VIRMA: variants seen among roughly 807,000 people sequenced by gnomAD.
VIRMA encodes the protein protein virilizer homolog.
A neutral mutation model predicts 182.4 loss-of-function variants in VIRMA; 65 were observed. The ratio of observed to expected loss-of-function variants is 0.36; its 90% confidence interval spans 0.29 to 0.44. VIRMA has a LOEUF of 0.44. VIRMA is among the 20% of genes least tolerant of loss of function. VIRMA has a pLI of 1.00. For missense variants in VIRMA, 1,752 were observed against 2,158.1 expected (o/e 0.81, Z 3.73); for synonymous variants, 709 against 743.1 (o/e 0.95, Z 0.75).
chr8:94,507,989 A>G (rs112195317), intron 15 of VIRMA, among the ~76,000 whole-genome samples: 21,919 of 149,476 alleles, frequency 0.15, 2,007 homozygotes, highest in South Asian at 0.3. Context: ...ATATATGTGT[A>G]TATATATAAG....
intron 15 of VIRMA, 25 bp downstream of exon 15, chr8:94,509,663 G>C (rs776745622): frequency 1.3e-6 from 2 of 1,592,394 alleles, no homozygotes; most frequent in Non-Finnish European, 8.5e-7. Context: ...TGCAGAGAGA[G>C]ACTTTATAAA....
chr8:94,524,980 C>T (rs1195180534), intron 8 of VIRMA, among the ~76,000 whole-genome samples: 1 of 152,120 alleles, frequency 6.6e-6, no homozygotes, highest in East Asian at 1.9e-4. Context: ...ATTCTCTGCC[C>T]ATCTCTTACA....
intron 10 of VIRMA, among the ~76,000 whole-genome samples, chr8:94,517,414 G>A (rs773983047): frequency 3.3e-5 from 5 of 152,154 alleles, no homozygotes; most frequent in African/African-American, 1.2e-4. Flanking sequence ...TGTTGGTCAC[G>A]CTGGTCTTGA....
intron 2 of VIRMA, among the ~76,000 whole-genome samples, chr8:94,539,819 G>C (rs1242304070): frequency 6.6e-6 from 1 of 152,178 alleles, no homozygotes; most frequent in Non-Finnish European, 1.5e-5. Context: ...ATGAATGAAT[G>C]AATGTTGTTA....
Position 94,488,860 on chromosome 8 carries a change from C to T in VIRMA, c.5285G>A (p.Gly1762Asp). Reference sequence around the variant, plus strand: ...ACGGTCCCGAGGACTTGGGCGGTAACCTGTAAAAGAAAGAATACAGTTTTT... The same window carrying T: ...ACGGTCCCGAGGACTTGGGCGGTAATCTGTAAAAGAAAGAATACAGTTTTT... Reference protein sequence around the residue: ...LPPLRPLSSTGYRPSPRDRAS... With the variant: ...LPPLRPLSSTDYRPSPRDRAS... Residue 1762 changes from glycine to aspartate, a missense_variant and splice_region_variant, in exon 24 of 24, where the codon GGT (glycine) becomes GAT (aspartate). Gly to Asp is a moderately conservative substitution (Grantham distance 94, BLOSUM62 -1). Around this residue, in one of 11 missense-constraint regions of VIRMA, gnomAD observed 132 missense variants for 173.8 expected, o/e 0.76. Transcript: ENST00000297591. 3 of 1,611,920 alleles carry T rather than the reference C, an allele frequency of 1.9e-6. No homozygotes were observed. Among genetic ancestry groups the T allele is most frequent in the Non-Finnish European group, 1.7e-6 (2 of 1,178,920 alleles).
At chr8:94,544,248 C>T (rs1815681153) in intron 1 of VIRMA, among the ~76,000 whole-genome samples, 1 of 152,184 alleles carries the variant, frequency 6.6e-6, no homozygotes, top group Non-Finnish European at 1.5e-5. Flanking sequence ...AGAATCCTGA[C>T]TTTTTGATTT....
At chr8:94,493,458 A>G (rs1813670192) in intron 20 of VIRMA, among the ~76,000 whole-genome samples, 1 of 152,242 alleles carries the variant, frequency 6.6e-6, no homozygotes, top group Non-Finnish European at 1.5e-5. Flanking sequence ...GTAGCCACTA[A>G]CAACATGTGC....
intron 17 of VIRMA, chr8:94,497,560 C>T (rs1813822314): frequency 6.6e-6 from 1 of 152,238 alleles, no homozygotes; most frequent in Admixed American, 6.6e-5. Context: ...ACCACCAAGC[C>T]CAGCTAATTT....
chr8:94,546,629 C>T (rs1241049122), intron 1 of VIRMA, among the ~76,000 whole-genome samples: 7 of 150,788 alleles, frequency 4.6e-5, no homozygotes, highest in East Asian at 3.9e-4. Flanking sequence ...AGTTCTTTAA[C>T]GGTGATTTCT....
chr8:94,531,958 T>A (rs550929221), intron 5 of VIRMA, among the ~76,000 whole-genome samples: 33 of 152,350 alleles, frequency 2.2e-4, no homozygotes, highest in African/African-American at 7.9e-4. Context: ...TCCATTGATG[T>A]AACGTGTAAA....
At chr8:94,520,185 CAAAAAAAAAAA>C (rs757063695) in intron 8 of VIRMA, among the ~76,000 whole-genome samples, 2 of 82,978 alleles carry the variant, frequency 2.4e-5, no homozygotes, top group African/African-American at 4.7e-5. Flanking sequence ...GACCCTGCAT[CAAAAAAAAAAA>C]AAAAAAAAAA....
At chr8:94,500,860 A>G (rs1224324914) in intron 16 of VIRMA, among the ~76,000 whole-genome samples, 2 of 152,106 alleles carry the variant, frequency 1.3e-5, no homozygotes, top group Non-Finnish European at 2.9e-5. Flanking sequence ...AAAATTAGTC[A>G]CCGATAAGAA....
chr8:94,549,578 A>T (rs761469439), intron 1 of VIRMA, among the ~76,000 whole-genome samples: 1 of 152,184 alleles, frequency 6.6e-6, no homozygotes, highest in African/African-American at 2.4e-5. Flanking sequence ...TATCTCCTTC[A>T]CATAATCAGT....
intron 4 of VIRMA, among the ~76,000 whole-genome samples, chr8:94,535,515 T>C (rs1197128294): frequency 6.6e-6 from 1 of 152,234 alleles, no homozygotes; most frequent in Non-Finnish European, 1.5e-5. Flanking sequence ...CCGGGTGCAG[T>C]GGCTCACGCC....
rs1344985148 is a variant in VIRMA, at chr8:94,499,471, A to G, written c.4133T>C (p.Leu1378Ser). 4 of 1,601,694 alleles carry G rather than the reference A, an allele frequency of 2.5e-6. No individual in the cohort carries two copies. Among genetic ancestry groups the G allele is most frequent in the African/African-American group, 1.3e-5 (1 of 74,702 alleles). Residue 1378 changes from leucine (L) to serine (S), a missense_variant, in exon 17 of 24, where the codon TTA becomes TCA. Leu to Ser is a moderately radical substitution (Grantham distance 145, BLOSUM62 -2). Around this residue, in one of 11 missense-constraint regions of VIRMA, gnomAD observed 777 missense variants for 920.6 expected, o/e 0.84. Transcript: ENST00000297591. ...AAATGTGCTGACCACTCGTTTCAGT[A>G]AACTATGCAGAGCACTACTGTTTTT... ...LRKNSSALHS[L>S]LKRVVSTFSK...
chr8:94,504,698 T>A (rs1814096638), intron 16 of VIRMA, among the ~76,000 whole-genome samples: 1 of 152,086 alleles, frequency 6.6e-6, no homozygotes, highest in Admixed American at 6.6e-5. Flanking sequence ...GTGGCCTGGA[T>A]AAAGGTAATA....
At chr8:94,510,817 T>TA in intron 13 of VIRMA, 165 bp from the exon 14 acceptor site, 2 of 766,940 alleles carry the variant, frequency 2.6e-6, no homozygotes, top group East Asian at 2.7e-5. Flanking sequence ...TCAATGAGTC[T>TA]AAAAAATCTT....
intron 3 of VIRMA, among the ~76,000 whole-genome samples, 156 bp downstream of exon 3, chr8:94,538,104 A>AGTTT (rs1314323653): frequency 6.6e-6 from 1 of 152,172 alleles, no homozygotes; most frequent in Non-Finnish European, 1.5e-5. Context: ...TCTCCTTAGG[A>AGTTT]GTTTGACATT....
intron 6 of VIRMA, 147 bp downstream of exon 6, chr8:94,530,816 G>A (rs2130360296): frequency 1.4e-6 from 1 of 692,514 alleles, no homozygotes; most frequent in Non-Finnish European, 2.2e-6. Context: ...GGAGGCTGAG[G>A]TGAGAGGATC....
Sources: allele counts gnomAD v4.1 joint callset (sites outside exome capture counted in the v4.1 genomes callset), GRCh38; gene constraint gnomAD v4.1.1; regional missense constraint gnomAD v4.1.1; transcripts MANE v1.5; gene names NCBI Gene and HGNC (gene_info 2026-07-23, HGNC 2026-07-21).